MED17: variants seen among roughly 807,000 people sequenced by gnomAD.
MED17 encodes the protein mediator of RNA polymerase II transcription subunit 17.
MED17 carries 49 observed loss-of-function variants against 80.8 expected under a neutral mutation model. That is an observed-to-expected ratio of 0.61 (90% CI 0.48 to 0.77). The LOEUF (loss-of-function observed/expected upper bound fraction) is 0.77, where lower values mean the gene tolerates loss of function less well. MED17 is among the 30% of genes least tolerant of loss of function. The probability of loss-of-function intolerance (pLI) is 0.00; values close to 1 mark genes in which losing one functional copy is unlikely to be tolerated. For synonymous variants in MED17, 281 were observed against 280.4 expected, an observed-to-expected ratio of 1.00 and a Z score of -0.02; for missense variants, 718 against 787.0, an observed-to-expected ratio of 0.91 and a Z score of 1.05.
At position 93,788,222 on chromosome 11, in the gene MED17, CT is replaced by C. The variant is rs768880859; in HGVS notation, c.417+61del. On this transcript the variant is annotated intron_variant, in intron 2 of 11. Transcript: ENST00000251871. ...ATTTTATTTATTAAATCCCAGGACCCTTTTTTGGCTTTGTGCCTGTTGTTCC... is the reference window on the plus strand; with the variant it reads ...ATTTTATTTATTAAATCCCAGGACCCTTTTTGGCTTTGTGCCTGTTGTTCC... The C allele has an allele frequency of 1.7e-5, 25 of 1,484,050 alleles. No individual in the cohort carries two copies. In the Admixed American group the frequency reaches 2.5e-4, roughly 15 times the overall value. 91.9% of individuals were successfully genotyped at this position (1,484,050 alleles called of 1,614,324 possible).
intron 9 of MED17, among the ~76,000 whole-genome samples, chr11:93,805,242 A>T (rs1457454977): frequency 6.6e-6 from 1 of 152,206 alleles, no homozygotes; most frequent in Non-Finnish European, 1.5e-5. Flanking sequence ...TAATTTGTAC[A>T]TACACAGGTC....
chr11:93,784,688 G>C lies in MED17; in HGVS notation c.175G>C (p.Glu59Gln). The C allele has an allele frequency of 1.3e-6, 2 of 1,555,200 alleles. No individual in the cohort carries two copies. Among genetic ancestry groups the C allele is most frequent in the South Asian group, 1.2e-5 (1 of 84,606 alleles). ...FSQGSGSEEE[E>Q]AAGTEGDAQE... ...CCAGGGTTCGGGCTCCGAGGAGGAG[G>C]AGGCGGCGGGGACCGAGGGCGACGC... The change falls in exon 1 of 12, where the codon GAG (glutamate) becomes CAG (glutamine). Residue 59 changes from glutamate (E) to glutamine (Q), a missense_variant. Coordinates refer to ENST00000251871, the MANE Select transcript of MED17 (RefSeq NM_004268.5).
chr11:93,810,167 C>A, intron 11 of MED17: 1 of 386,572 alleles, frequency 2.6e-6, no homozygotes, highest in Non-Finnish European at 4.9e-6. Context: ...TGGATAAAAA[C>A]TTTAAAAAAA....
chr11:93,785,362 C>T (rs551742722), intron 1 of MED17, among the ~76,000 whole-genome samples: 3 of 151,622 alleles, frequency 2.0e-5, no homozygotes, highest in Admixed American at 6.6e-5. Flanking sequence ...ATAGGGAAAG[C>T]AAAACTGGAA....
rs183628767 is a variant in MED17, at chr11:93,805,199, G to C, written c.1467-2319G>C. 3.8e-3 allele frequency among the ~76,000 whole-genome samples: 573 copies of C among 152,214 alleles called. 10 individuals carry two copies. The highest frequency in any genetic ancestry group is 0.013 in the African/African-American group (547 of 41,520). On this transcript the variant is annotated intron_variant, in intron 9 of 11. Coordinates refer to ENST00000251871, the MANE Select transcript of MED17 (RefSeq NM_004268.5). ...GTCCCACACTGTTAATCGGTCTTCT[G>C]TTGTTGAACATTTTTGTCGAGTACC...
At chr11:93,790,372 G>A (rs769807263) in intron 2 of MED17, 5 of 606,784 alleles carry the variant, frequency 8.2e-6, no homozygotes, top group African/African-American at 5.6e-5. Context: ...CCATTGTAGT[G>A]TTTTTGGTTT....
chr11:93,811,086 G>A (rs946714245), intron 11 of MED17: 3 of 152,402 alleles, frequency 2.0e-5, no homozygotes, highest in Non-Finnish European at 4.4e-5. Flanking sequence ...CGCAGCTCAT[G>A]ACTGTATTTG....
chr11:93,797,554 G>C lies in MED17; in HGVS notation c.1163G>C (p.Ser388Thr), dbSNP rs754941546. The C allele has an allele frequency of 3.1e-6, 5 of 1,613,966 alleles. No homozygotes were observed. Among genetic ancestry groups the C allele is most frequent in the Non-Finnish European group, 4.2e-6 (5 of 1,179,974 alleles). The change falls in exon 8 of 12, where the codon AGT becomes ACT. Residue 388 changes from serine to threonine, a missense_variant. Transcript: ENST00000251871. The part of the protein sequence containing the change: ...LIREFHKQTL[S>T]SIMMPHPASA... ...TGTTAGTTTCATAAACAGACCTTGA[G>C]TTCCATCATGATGCCTCATCCAGCA...
intron 10 of MED17, chr11:93,809,467 T>C: frequency 1.9e-6 from 1 of 535,764 alleles, no homozygotes; most frequent in South Asian, 2.0e-5. Context: ...GCCAAATTTA[T>C]GTCATATGTC....
rs1358071175 is a variant in MED17 at position 93,813,246 on chromosome 11, A to G, written c.*1182A>G. 1 of 152,202 alleles carries G rather than the reference A, an allele frequency of 6.6e-6. No homozygotes were observed. Among genetic ancestry groups the G allele is most frequent in the Non-Finnish European group, 1.5e-5 (1 of 68,034 alleles). 9.4% of individuals were successfully genotyped at this position (152,202 alleles called of 1,614,324 possible). Reference sequence around the variant, plus strand: ...TTAAAACAGACATCCTGCTTTAACAATTTGTAAGATGACTGTGCAGTAATA... The same window carrying G: ...TTAAAACAGACATCCTGCTTTAACAGTTTGTAAGATGACTGTGCAGTAATA... On this transcript the variant is annotated 3_prime_UTR_variant, in exon 12 of 12. Coordinates refer to ENST00000251871, the MANE Select transcript of MED17 (RefSeq NM_004268.5).
At chr11:93,797,381 C>G in intron 7 of MED17, 154 bp from the exon 8 acceptor site, 1 of 705,748 alleles carries the variant, frequency 1.4e-6, no homozygotes, top group Non-Finnish European at 2.5e-6. Flanking sequence ...TATGTGTGAC[C>G]TAGTAGTTGC....
At position 93,797,296 on chromosome 11, in the gene MED17, C is replaced by T. The variant is rs1943914399; in HGVS notation, c.1144-239C>T. The T allele has an allele frequency of 7.2e-5, 36 of 498,088 alleles. No homozygotes were observed. In the South Asian group the frequency reaches 7.5e-4, roughly 10 times the overall value. 30.9% of individuals were successfully genotyped at this position (498,088 alleles called of 1,614,324 possible). On this transcript the variant is annotated intron_variant, in intron 7 of 11. Coordinates refer to ENST00000251871, the MANE Select transcript of MED17 (RefSeq NM_004268.5). ...CCCTCAAACCTTATTAGGATGTCGG[C>T]GCATTACCCATCTGACATGAGAAAA... is the stretch of plus-strand genomic sequence containing the variant.
intron 8 of MED17, among the ~76,000 whole-genome samples, chr11:93,798,306 A>G (rs147836757): frequency 2.6e-4 from 40 of 152,332 alleles, no homozygotes; most frequent in Admixed American, 2.0e-3. Flanking sequence ...ATAACGTGGC[A>G]TGATTACATA....
Position 93,790,607 on chromosome 11 carries a change from A to T in MED17, c.451A>T (p.Lys151Ter). The part of the protein sequence containing the change: ...PQTLQLISKK[K>*]SLAGAAQILL... ...GACGTTGCAATTGATATCTAAAAAG[A>T]AGTCACTTGCTGGAGCAGCACAAAT... The change falls in exon 3 of 12, where the codon AAG (lysine) becomes TAG (stop). Residue 151 changes from lysine (K) to a stop codon, truncating the protein, a stop_gained. Coordinates refer to ENST00000251871, the MANE Select transcript of MED17 (RefSeq NM_004268.5). LOFTEE classifies it high-confidence loss of function. The T allele has an allele frequency of 6.2e-7, 1 of 1,614,190 alleles. No homozygotes were observed. Among genetic ancestry groups the T allele is most frequent in the Non-Finnish European group, 8.5e-7 (1 of 1,180,036 alleles).
intron 8 of MED17, among the ~76,000 whole-genome samples, chr11:93,800,199 A>G (rs1395337741): frequency 3.9e-5 from 6 of 152,214 alleles, no homozygotes; most frequent in Admixed American, 2.0e-4. Flanking sequence ...TTCAGAATGT[A>G]TTGTAAGAAG....
intron 11 of MED17, chr11:93,810,742 A>C (rs1334183518): frequency 2.0e-5 from 3 of 152,234 alleles, no homozygotes; most frequent in Non-Finnish European, 4.4e-5. Flanking sequence ...TTTAATAGGC[A>C]CTTGTATGAG....
Position 93,792,789 on chromosome 11 carries a change from A to T in MED17, c.638-939A>T, listed in dbSNP as rs1434789586. ...CCTATCTCTAAGAAAAAAAACTTAA[A>T]AATTAGCTGGGTGTGATGGCATGTA... On this transcript the variant is annotated intron_variant, in intron 3 of 11. Transcript: ENST00000251871. Among the ~76,000 whole-genome samples the T allele has an allele frequency of 9.9e-5, 15 of 152,092 alleles. No individual in the cohort carries two copies. In the South Asian group the frequency reaches 3.1e-3, roughly 32 times the overall value.
chr11:93,798,515 C>T (rs1035492420), intron 8 of MED17, among the ~76,000 whole-genome samples: 1 of 151,530 alleles, frequency 6.6e-6, no homozygotes, highest in African/African-American at 2.4e-5. Context: ...TTTTTTAGTA[C>T]ATTAGTTTGT....
chr11:93,789,618 CATAG>C (rs1382426805), intron 2 of MED17: 1 of 152,044 alleles, frequency 6.6e-6, no homozygotes. Flanking sequence ...ATATGTGATA[CATAG>C]ATAGTGACTT....
Sources: gnomAD v4.1 joint callset for allele counts (sites outside exome capture counted in the v4.1 genomes callset) on GRCh38, gnomAD v4.1.1 for gene constraint, MANE v1.5 for transcripts, NCBI Gene and HGNC (gene_info 2026-07-23, HGNC 2026-07-21) for gene names.